The following ANK3 variants were observed in gnomAD, a reference collection of about 807,000 sequenced individuals.
The protein encoded by ANK3 is ankyrin 3.
In ANK3, 57 loss-of-function variants were observed where a neutral mutation model predicts 370.9. That is an observed-to-expected ratio of 0.15 (90% confidence interval 0.12 to 0.19). The LOEUF (loss-of-function observed/expected upper bound fraction) is 0.19. Ranked by LOEUF, ANK3 falls within the 10% of genes least tolerant of loss-of-function variation. ANK3 has a pLI of 1.00. For missense variants in ANK3, 4,439 were observed against 5,302.1 expected (o/e 0.84, Z 5.06); for synonymous variants, 1,929 against 1,946.3 (o/e 0.99, Z 0.23).
intron 8 of ANK3, among the ~76,000 whole-genome samples, chr10:60,221,166 G>A (rs1454533355): frequency 3.3e-5 from 5 of 149,936 alleles, no homozygotes; most frequent in African/African-American, 9.8e-5. Context: ...TGCAACCTCC[G>A]CCTTCTGGGT....
At chr10:60,093,343 A>T (rs2089187839) in intron 28 of ANK3, among the ~76,000 whole-genome samples, 1 of 152,236 alleles carries the variant, frequency 6.6e-6, no homozygotes, top group Admixed American at 6.5e-5. Flanking sequence ...CTCCTTCAAA[A>T]TGGCTCAGGA....
rs1296966260 is a variant in ANK3, at chr10:60,026,929, A to G, written c.*2917T>C. On this transcript the variant is annotated 3_prime_UTR_variant, in exon 44 of 44. Transcript: ENST00000280772. Reference sequence around the variant, plus strand: ...CTTAAATACATATTTATAAGCTGGCAGGCCAAATATTATGTTAGAAATACA... The same window carrying G: ...CTTAAATACATATTTATAAGCTGGCGGGCCAAATATTATGTTAGAAATACA... 6.6e-6 allele frequency: 1 copy of G among 152,230 alleles called. No individual in the cohort carries two copies. The allele number at this position is 152,230 out of a possible 1,614,324, so 9.4% of individuals were successfully genotyped here.
intron 1 of ANK3, among the ~76,000 whole-genome samples, chr10:60,324,915 C>G (rs2132908767): frequency 6.6e-6 from 1 of 152,272 alleles, no homozygotes; most frequent in South Asian, 2.1e-4. Context: ...TCCCAGCAGC[C>G]TCTAGATTGA....
chr10:60,472,172 T>A (rs2065235082), intron 2 of ANK3, among the ~76,000 whole-genome samples: 1 of 152,156 alleles, frequency 6.6e-6, no homozygotes, highest in Non-Finnish European at 1.5e-5. Flanking sequence ...ACTAATTGAA[T>A]GATCTGCAAG....
At chr10:60,231,259 A>G (rs2097239240) in intron 8 of ANK3, among the ~76,000 whole-genome samples, 2 of 152,208 alleles carry the variant, frequency 1.3e-5, no homozygotes, top group South Asian at 4.1e-4. Flanking sequence ...ATTCAAGTTT[A>G]CATCCTTGAA....
chr10:60,383,896 A>G (rs1325352407), intron 1 of ANK3, among the ~76,000 whole-genome samples: 2 of 151,474 alleles, frequency 1.3e-5, no homozygotes. Context: ...AGCAAGAAAT[A>G]ACAGTATAGT....
intron 18 of ANK3, among the ~76,000 whole-genome samples, chr10:60,176,223 G>A (rs2095945244): frequency 6.6e-6 from 1 of 151,024 alleles, no homozygotes; most frequent in Non-Finnish European, 1.5e-5. Flanking sequence ...CAATTAGCCG[G>A]GCGTGGTGGC....
chr10:60,230,286 T>G (rs2097219632), intron 8 of ANK3, among the ~76,000 whole-genome samples: 1 of 152,178 alleles, frequency 6.6e-6, no homozygotes, highest in African/African-American at 2.4e-5. Flanking sequence ...GAGGGAAGAA[T>G]TCAGTGGAAA....
chr10:60,646,731 T>C lies in ANK3; in HGVS notation c.58-31507A>G, dbSNP rs373550770. ...CTCAAGAAGAAGAAGAGGAGGAATT[T>C]AATGACTATTAAGCAGTTACTGCTG... On this transcript the variant is annotated intron_variant, in intron 1 of 43. Coordinates refer to the ANK3 transcript ENST00000373827. 3.9e-4 allele frequency among the ~76,000 whole-genome samples: 59 copies of C among 152,264 alleles called. 1 individual carries two copies. The South Asian group carries it at 0.012, about 31-fold the overall frequency.
intron 5 of ANK3, among the ~76,000 whole-genome samples, chr10:60,264,849 C>A (rs140092576): frequency 1.3e-5 from 2 of 152,156 alleles, no homozygotes; most frequent in East Asian, 3.9e-4. Context: ...TATGAAAGAT[C>A]TATAGAGGCT....
chr10:60,400,592 T>C (rs527404410), intron 2 of ANK3, among the ~76,000 whole-genome samples: 2 of 152,268 alleles, frequency 1.3e-5, no homozygotes, highest in African/African-American at 4.8e-5. Flanking sequence ...CAATAAAAAC[T>C]TTATTTATAA....
intron 1 of ANK3, among the ~76,000 whole-genome samples, chr10:60,677,483 G>A (rs1288274810): frequency 7.5e-6 from 1 of 133,360 alleles, no homozygotes; most frequent in Non-Finnish European, 1.7e-5. Flanking sequence ...AGGCTGCAGA[G>A]ATATAACTTT....
intron 1 of ANK3, among the ~76,000 whole-genome samples, chr10:60,713,939 AT>A (rs1276817291): frequency 6.6e-6 from 1 of 151,958 alleles, no homozygotes; most frequent in African/African-American, 2.4e-5. Context: ...GATAGAGAAT[AT>A]AAAAAAAAAA....
At chr10:60,361,921 T>A (rs1353157706) in intron 1 of ANK3, among the ~76,000 whole-genome samples, 2 of 152,174 alleles carry the variant, frequency 1.3e-5, no homozygotes, top group African/African-American at 4.8e-5. Flanking sequence ...GGAAAACACA[T>A]ACACACGGTT....
At chr10:60,059,697 C>T in intron 40 of ANK3, 1 of 1,608,950 alleles carries the variant, frequency 6.2e-7, no homozygotes, top group South Asian at 1.1e-5. Context: ...AGGATACTCA[C>T]TCAGACATAC....
chr10:60,361,107 C>A (rs2058538891), intron 1 of ANK3, among the ~76,000 whole-genome samples: 1 of 152,120 alleles, frequency 6.6e-6, no homozygotes, highest in African/African-American at 2.4e-5. Flanking sequence ...TGGACATATT[C>A]CAGAATCAAG....
At chr10:60,119,421 A>G (rs1406248475) in intron 25 of ANK3, among the ~76,000 whole-genome samples, 1 of 152,230 alleles carries the variant, frequency 6.6e-6, no homozygotes, top group African/African-American at 2.4e-5. Flanking sequence ...CCACAGTACT[A>G]ACAAAAAAAC....
At chr10:60,176,179 CAAAA>C (rs1328240039) in intron 18 of ANK3, among the ~76,000 whole-genome samples, 4 of 80,084 alleles carry the variant, frequency 5.0e-5, no homozygotes, top group African/African-American at 2.0e-4. Context: ...GCTAAAAATA[CAAAA>C]AAAAAAAAAA....
chr10:60,056,991 C>T (rs2079306248), intron 41 of ANK3, among the ~76,000 whole-genome samples: 1 of 152,178 alleles, frequency 6.6e-6, no homozygotes, highest in Non-Finnish European at 1.5e-5. Flanking sequence ...AGCTACTGTA[C>T]AAAAAATTGC....
Sources: gnomAD v4.1 joint callset for allele counts (sites outside exome capture counted in the v4.1 genomes callset) on GRCh38, gnomAD v4.1.1 for gene constraint, MANE v1.5 for transcripts, NCBI Gene and HGNC (gene_info 2026-07-23, HGNC 2026-07-21) for gene names.